Variants in RAB27B observed in about 807,000 individuals in gnomAD.
RAB27B encodes the protein ras-related protein Rab-27B.
In RAB27B, 15 loss-of-function variants were observed where a neutral mutation model predicts 24.6. That is an observed-to-expected ratio of 0.61 (90% CI 0.41 to 0.94). The LOEUF (loss-of-function observed/expected upper bound fraction) is 0.94, where lower values mean the gene tolerates loss of function less well. Among genes scored for constraint, RAB27B ranks in the 40% least tolerant of loss-of-function variants. The probability of loss-of-function intolerance (pLI) is 0.00; values close to 1 mark genes in which losing one functional copy is unlikely to be tolerated. For synonymous variants in RAB27B, 105 were observed against 92.5 expected, an observed-to-expected ratio of 1.14 and a Z score of -0.78; for missense variants, 261 against 266.8, an observed-to-expected ratio of 0.98 and a Z score of 0.15.
rs34119736 is a variant in RAB27B at position 54,739,456 on chromosome 18, C to CAA, written c.-20+21331_-20+21332dup. ...GGGCAACAAGAGCGAAACTCCATCT[C>CAA]AAAAAAAAAAAAAAAAAGAAAGAAA... On this transcript the variant is annotated intron_variant, in intron 2 of 4. Transcript: ENST00000586570. Among the ~76,000 whole-genome samples, 357 of 94,468 alleles carry CAA rather than the reference C, an allele frequency of 3.8e-3. 5 individuals are homozygous for CAA. Among genetic ancestry groups the CAA allele is most frequent in the African/African-American group, 0.011 (295 of 27,898 alleles). The allele number at this position is 94,468 out of a possible 152,430, so 62.0% of individuals were successfully genotyped here. A position where few individuals can be genotyped will look rare whatever the true frequency, so the allele number is the denominator to read the frequency against.
chr18:54,779,993 G>T (rs1453861412), intron 2 of RAB27B, among the ~76,000 whole-genome samples: 6 of 121,620 alleles, frequency 4.9e-5, no homozygotes, highest in South Asian at 2.8e-4. Context: ...CTCTCCTGAG[G>T]GCTTCCCCCT....
At chr18:54,820,099 T>C (rs951786659) in intron 2 of RAB27B, among the ~76,000 whole-genome samples, 3 of 152,166 alleles carry the variant, frequency 2.0e-5, no homozygotes, top group Admixed American at 2.0e-4. Context: ...AGTGTCTTTA[T>C]AGCAGCACGA....
chr18:54,785,479 C>T lies in RAB27B; in HGVS notation c.-20+67338C>T, dbSNP rs374586999. Among the ~76,000 whole-genome samples, 133 of 138,570 alleles carry T rather than the reference C, an allele frequency of 9.6e-4. 1 individual carries two copies. In the South Asian group the frequency reaches 0.02, roughly 21 times the overall value. The allele number at this position is 138,570 out of a possible 152,430, so 90.9% of individuals were successfully genotyped here. On this transcript the variant is annotated intron_variant, in intron 2 of 4. Coordinates refer to the RAB27B transcript ENST00000586570. ...TTTTTCCAAAATGCCACTTTATCAG[C>T]GAGGCTTTGCCTAACCACCCTTTTA...
At chr18:54,753,400 G>T (rs1907898314) in intron 2 of RAB27B, among the ~76,000 whole-genome samples, 1 of 152,088 alleles carries the variant, frequency 6.6e-6, no homozygotes, top group East Asian at 1.9e-4. Context: ...TTGGCTTTGG[G>T]CAAGTTATTC....
At chr18:54,789,216 T>G (rs1052238681) in intron 2 of RAB27B, among the ~76,000 whole-genome samples, 6 of 152,192 alleles carry the variant, frequency 3.9e-5, no homozygotes, top group African/African-American at 1.4e-4. Context: ...AATTATATTA[T>G]GAGAATGAAA....
rs1214041965 is a variant in RAB27B, at chr18:54,890,887, A to G, written c.*1474A>G. The G allele has an allele frequency of 6.6e-6, 1 of 152,050 alleles. No homozygotes were observed. The highest frequency in any genetic ancestry group is 1.9e-4 in the East Asian group (1 of 5,194). 9.4% of individuals were successfully genotyped at this position (152,050 alleles called of 1,614,324 possible). A position where few individuals can be genotyped will look rare whatever the true frequency, so the allele number is the denominator to read the frequency against. On this transcript the variant is annotated 3_prime_UTR_variant, in exon 6 of 6. Coordinates refer to ENST00000262094, the MANE Select transcript of RAB27B (RefSeq NM_004163.4). ...GTTCTTGTGTCTAAACTAACATTAC[A>G]TTAATTTTTAATCTTAGTTTCTGAT...
chr18:54,861,922 G>A (rs1324580137), intron 1 of RAB27B, among the ~76,000 whole-genome samples: 1 of 152,114 alleles, frequency 6.6e-6, no homozygotes, highest in Non-Finnish European at 1.5e-5. Context: ...CGCATCACAA[G>A]TGTTTTCAGT....
chr18:54,767,591 AGAT>A (rs1391592886), intron 2 of RAB27B, among the ~76,000 whole-genome samples: 2 of 152,206 alleles, frequency 1.3e-5, no homozygotes, highest in Non-Finnish European at 2.9e-5. Context: ...TTTGTGTTTT[AGAT>A]GATGATCGTG....
rs774101739 is a variant in RAB27B, at chr18:54,879,404, G to A, written c.189G>A (p.Gly63=). 1 of 1,613,052 alleles carries A rather than the reference G, an allele frequency of 6.2e-7. No homozygotes were observed. The highest frequency in any genetic ancestry group is 1.1e-5 in the South Asian group (1 of 91,040). Residue 63 remains glycine (G), a synonymous_variant, in exon 3 of 6, where the codon GGG becomes GGA. Transcript: ENST00000262094. ...YNAQGPNGSS[G]KAFKVHLQLW... is the part of the protein sequence containing the mutation. ...CACAAGGACCGAATGGATCTTCAGG[G>A]AAAGCATTTAAAGTGCATCTTCAGC...
intron 2 of RAB27B, among the ~76,000 whole-genome samples, chr18:54,770,646 C>T (rs1013047708): frequency 6.6e-6 from 1 of 152,096 alleles, no homozygotes; most frequent in Admixed American, 6.5e-5. Context: ...GAAAAATTGT[C>T]TTCCACAAAA....
intron 2 of RAB27B, among the ~76,000 whole-genome samples, chr18:54,772,436 G>T (rs1908580312): frequency 1.3e-5 from 2 of 152,196 alleles, no homozygotes; most frequent in African/African-American, 2.4e-5. Flanking sequence ...AGAGAATGTT[G>T]TGGTGGCTCA....
At chr18:54,756,361 C>T (rs1908005645) in intron 2 of RAB27B, among the ~76,000 whole-genome samples, 3 of 152,136 alleles carry the variant, frequency 2.0e-5, no homozygotes. Context: ...CCACATTGTA[C>T]TTAATTAGGT....
At chr18:54,752,765 C>A (rs1465177784) in intron 2 of RAB27B, among the ~76,000 whole-genome samples, 2 of 152,140 alleles carry the variant, frequency 1.3e-5, no homozygotes, top group Non-Finnish European at 2.9e-5. Flanking sequence ...CTGTTGTGGC[C>A]ATTCTACAGG....
intron 2 of RAB27B, among the ~76,000 whole-genome samples, chr18:54,818,877 C>T (rs1037021770): frequency 1.3e-5 from 2 of 152,062 alleles, no homozygotes; most frequent in Non-Finnish European, 2.9e-5. Context: ...TGTTAAGACT[C>T]ACACCAAAAA....
At chr18:54,839,391 A>G (rs1243819131) in intron 1 of RAB27B, among the ~76,000 whole-genome samples, 1 of 152,206 alleles carries the variant, frequency 6.6e-6, no homozygotes, top group Non-Finnish European at 1.5e-5. Flanking sequence ...CCTTTGTGCC[A>G]TAAATAAACA....
intron 2 of RAB27B, among the ~76,000 whole-genome samples, chr18:54,813,921 T>C (rs1008487905): frequency 3.9e-5 from 6 of 152,218 alleles, no homozygotes; most frequent in African/African-American, 1.4e-4. Context: ...GGAACTTGGA[T>C]CTATGAAACT....
chr18:54,808,451 T>C (rs1438665120), intron 2 of RAB27B, among the ~76,000 whole-genome samples: 2 of 152,146 alleles, frequency 1.3e-5, no homozygotes, highest in Non-Finnish European at 2.9e-5. Context: ...CAAACCAGAA[T>C]TCAGAGGGCA....
chr18:54,859,751 C>G (rs1055312698), intron 1 of RAB27B, among the ~76,000 whole-genome samples: 1 of 152,146 alleles, frequency 6.6e-6, no homozygotes, highest in African/African-American at 2.4e-5. Context: ...TGTTTTATAT[C>G]GGAAAACACT....
At chr18:54,788,176 T>C (rs77117195) in intron 2 of RAB27B, among the ~76,000 whole-genome samples, 2,500 of 152,330 alleles carry the variant, frequency 0.016, 52 homozygotes, top group African/African-American at 0.056. Context: ...AGAAATTTCA[T>C]TGAAAGAGGC....
Sources: gnomAD v4.1 joint callset for allele counts (sites outside exome capture counted in the v4.1 genomes callset) on GRCh38, gnomAD v4.1.1 for gene constraint, MANE v1.5 for transcripts, NCBI Gene and HGNC (gene_info 2026-07-23, HGNC 2026-07-21) for gene names.